Variants in AGBL4 observed in about 807,000 individuals in gnomAD.
AGBL4 encodes cytosolic carboxypeptidase 6.
A neutral mutation model predicts 66.4 loss-of-function variants in AGBL4; 58 were observed. The ratio of observed to expected loss-of-function variants is 0.87; its 90% CI spans 0.71 to 1.09. The LOEUF (loss-of-function observed/expected upper bound fraction) is 1.09. AGBL4 is among the 50% of genes least tolerant of loss of function. AGBL4 has a pLI of 0.00. For missense variants in AGBL4, 579 were observed against 631.0 expected, an observed-to-expected ratio of 0.92 and a Z score of 0.88; for synonymous variants, 234 against 222.9, an observed-to-expected ratio of 1.05 and a Z score of -0.44.
At chr1:49,674,596 A>ACG (rs1194834038) in intron 3 of AGBL4, among the ~76,000 whole-genome samples, 2 of 150,834 alleles carry the variant, frequency 1.3e-5, no homozygotes, top group African/African-American at 4.9e-5. Context: ...ACACACACAC[A>ACG]CACATATGTT....
At chr1:48,812,293 G>T (rs1274541208) in intron 6 of AGBL4, among the ~76,000 whole-genome samples, 1 of 152,152 alleles carries the variant, frequency 6.6e-6, no homozygotes, top group African/African-American at 2.4e-5. Context: ...TGGGGGAGAG[G>T]ATGAGTATGA....
At chr1:49,879,314 A>AT (rs1315481736) in intron 1 of AGBL4, among the ~76,000 whole-genome samples, 2 of 150,730 alleles carry the variant, frequency 1.3e-5, no homozygotes, top group Non-Finnish European at 3.0e-5. Context: ...GTTTCTTTCC[A>AT]TGTTTAGCGC....
At chr1:49,282,382 G>A (rs934531962) in intron 3 of AGBL4, among the ~76,000 whole-genome samples, 2 of 152,150 alleles carry the variant, frequency 1.3e-5, no homozygotes, top group African/African-American at 4.8e-5. Flanking sequence ...AGGAGTAGGG[G>A]TATGGTACTA....
In AGBL4 at chr1:49,495,569, G is replaced by A. The variant is rs556779948; in HGVS notation, c.282+201744C>T. On this transcript the variant is annotated intron_variant, in intron 3 of 13. Coordinates refer to ENST00000371839, the MANE Select transcript of AGBL4 (RefSeq NM_032785.4). ...AACAAAAAAAAAAACCAGGTTTGGAGAACCTGATGTGACTATTTTGATTAG... is the reference window on the plus strand; with the variant it reads ...AACAAAAAAAAAAACCAGGTTTGGAAAACCTGATGTGACTATTTTGATTAG... 2.4e-4 allele frequency among the ~76,000 whole-genome samples: 36 copies of A among 151,782 alleles called. 1 individual carries two copies. In the South Asian group the frequency reaches 7.5e-3, roughly 32 times the overall value.
intron 5 of AGBL4, among the ~76,000 whole-genome samples, chr1:49,019,707 TA>T (rs1219762207): frequency 1.3e-5 from 2 of 152,244 alleles, no homozygotes; most frequent in Admixed American, 1.3e-4. Context: ...AAATTATAGT[TA>T]CCAGTTGAGA....
At chr1:48,571,971 A>T (rs1189257192) in intron 11 of AGBL4, among the ~76,000 whole-genome samples, 1 of 152,200 alleles carries the variant, frequency 6.6e-6, no homozygotes, top group Non-Finnish European at 1.5e-5. Context: ...CCCCAAAAAC[A>T]GTTCCTTCAA....
intron 6 of AGBL4, chr1:48,818,268 T>C: frequency 1.4e-6 from 1 of 717,414 alleles, no homozygotes; most frequent in Admixed American, 2.0e-5. Flanking sequence ...GCAATCAATA[T>C]TATCTCCGTG....
chr1:48,712,007 T>A (rs922928228), intron 6 of AGBL4, among the ~76,000 whole-genome samples: 2 of 152,092 alleles, frequency 1.3e-5, no homozygotes, highest in Non-Finnish European at 2.9e-5. Context: ...CTGAACCACC[T>A]CCTTTTCTCA....
At chr1:49,105,091 C>CATTT (rs1023941062) in intron 4 of AGBL4, among the ~76,000 whole-genome samples, 9 of 152,104 alleles carry the variant, frequency 5.9e-5, no homozygotes, top group African/African-American at 2.2e-4. Context: ...AGACATTATG[C>CATTT]ATTTATTTAT....
At chr1:49,945,532 A>C (rs1655128849) in intron 1 of AGBL4, among the ~76,000 whole-genome samples, 1 of 152,090 alleles carries the variant, frequency 6.6e-6, no homozygotes, top group African/African-American at 2.4e-5. Flanking sequence ...ATTCACCACT[A>C]CTAAGCCAGC....
At chr1:49,492,809 A>C (rs1454984986) in intron 3 of AGBL4, among the ~76,000 whole-genome samples, 1 of 151,958 alleles carries the variant, frequency 6.6e-6, no homozygotes, top group African/African-American at 2.4e-5. Context: ...AAGAGCAGAT[A>C]ACCTTTACTG....
intron 5 of AGBL4, among the ~76,000 whole-genome samples, chr1:48,891,591 C>CT (rs1650978988): frequency 6.6e-6 from 1 of 152,210 alleles, no homozygotes; most frequent in Non-Finnish European, 1.5e-5. Context: ...TGTTTCAGCT[C>CT]TACTGCCTTT....
intron 1 of AGBL4, among the ~76,000 whole-genome samples, chr1:49,982,548 T>C (rs1344054759): frequency 6.6e-6 from 1 of 152,134 alleles, no homozygotes. Flanking sequence ...GCAGAAAGGC[T>C]TGGGGCAGAA....
chr1:49,996,362 A>C (rs1660368329), intron 1 of AGBL4: 1 of 152,208 alleles, frequency 6.6e-6, no homozygotes, highest in Non-Finnish European at 1.5e-5. Context: ...AGATAGCATA[A>C]ATAAAAAGCA....
chr1:48,529,779 A>G (rs12566454), downstream of AGBL4, among the ~76,000 whole-genome samples: 7,475 of 152,164 alleles, frequency 0.049, 554 homozygotes, highest in East Asian at 0.22. Context: ...AGTAACCCAG[A>G]GAGTGTCACG....
intron 3 of AGBL4, among the ~76,000 whole-genome samples, chr1:49,466,656 T>G (rs1018026824): frequency 1.3e-5 from 2 of 151,804 alleles, no homozygotes; most frequent in African/African-American, 4.8e-5. Flanking sequence ...TCTCCTTCTA[T>G]TAATTAATCT....
chr1:48,954,721 C>G (rs1239753508), intron 5 of AGBL4, among the ~76,000 whole-genome samples: 6 of 152,146 alleles, frequency 3.9e-5, no homozygotes, highest in Non-Finnish European at 8.8e-5. Flanking sequence ...TCCCTCTGAT[C>G]CCACAGCTTT....
At chr1:49,479,693 T>C (rs1168882748) in intron 3 of AGBL4, among the ~76,000 whole-genome samples, 3 of 151,300 alleles carry the variant, frequency 2.0e-5, no homozygotes, top group African/African-American at 7.3e-5. Flanking sequence ...ACATTTTCTT[T>C]TCTTTTTTTC....
chr1:49,293,941 C>T (rs566774097), intron 3 of AGBL4, among the ~76,000 whole-genome samples: 16 of 152,206 alleles, frequency 1.1e-4, no homozygotes, highest in African/African-American at 2.2e-4. Flanking sequence ...TATTAGTAGA[C>T]GCAGATATGA....
Sources: gnomAD v4.1 joint callset for allele counts (sites outside exome capture counted in the v4.1 genomes callset) on GRCh38, gnomAD v4.1.1 for gene constraint, MANE v1.5 for transcripts, NCBI Gene and HGNC (gene_info 2026-07-23, HGNC 2026-07-21) for gene names.